RNF2: variants seen among roughly 807,000 people sequenced by gnomAD.
RNF2 encodes the protein ring finger protein 2.
Under a neutral mutation model 37.2 loss-of-function variants are expected in RNF2, and 6 were observed. That is an observed-to-expected ratio of 0.16 (90% CI 0.09 to 0.32). The LOEUF is 0.32. RNF2 is among the 10% of genes least tolerant of loss of function. The probability of loss-of-function intolerance (pLI) is 1.00; values close to 1 mark genes in which losing one functional copy is unlikely to be tolerated. For missense variants in RNF2, 251 were observed against 404.0 expected, an observed-to-expected ratio of 0.62 and a Z score of 3.25; for synonymous variants, 133 against 132.7, an observed-to-expected ratio of 1.00 and a Z score of -0.02.
chr1:185,091,752 G>A lies in RNF2; in HGVS notation c.248+13G>A. ...CCCTTAGAAGTGGGTATGTTGAAAA[G>A]AGTTGTTATACTAGGTACTTAATTG... On this transcript the variant is annotated intron_variant, in intron 3 of 6. Transcript: ENST00000367510. 6.2e-7 allele frequency: 1 copy of A among 1,611,848 alleles called. No individual in the cohort carries two copies. Among genetic ancestry groups the A allele is most frequent in the Non-Finnish European group, 8.5e-7 (1 of 1,178,506 alleles).
intron 1 of RNF2, among the ~76,000 whole-genome samples, chr1:185,069,721 T>C (rs1018317269): frequency 6.6e-6 from 1 of 152,126 alleles, no homozygotes; most frequent in Non-Finnish European, 1.5e-5. Flanking sequence ...GGGAGGAGGG[T>C]AATCCAAGAG....
At chr1:185,090,460 C>G (rs913940526) in intron 2 of RNF2, among the ~76,000 whole-genome samples, 22 of 152,082 alleles carry the variant, frequency 1.4e-4, no homozygotes, top group Admixed American at 5.9e-4. Context: ...AAGTGTTAAA[C>G]TAAGGGAAAA....
At chr1:185,060,194 T>A (rs1174523642) in intron 1 of RNF2, among the ~76,000 whole-genome samples, 1 of 152,378 alleles carries the variant, frequency 6.6e-6, no homozygotes, top group Non-Finnish European at 1.5e-5. Context: ...TTTTGGTTTG[T>A]CTTTAATTCA....
chr1:185,046,063 A>T (rs1446406530), intron 1 of RNF2: 1 of 148,828 alleles, frequency 6.7e-6, no homozygotes, highest in Non-Finnish European at 1.5e-5. Flanking sequence ...GTGGAATGCG[A>T]GTTTTTTCTC....
At chr1:185,093,991 CTCCAT>C (rs1651841988) in intron 4 of RNF2, among the ~76,000 whole-genome samples, 2 of 152,144 alleles carry the variant, frequency 1.3e-5, no homozygotes, top group South Asian at 4.1e-4. Flanking sequence ...TTAGACATTT[CTCCAT>C]ATGGGTATCT....
In RNF2 at chr1:185,100,459, A is replaced by G. The variant is rs1293896675; in HGVS notation, c.*158A>G. The G allele has an allele frequency of 4.7e-6, 2 of 422,990 alleles. No homozygotes were observed. The highest frequency in any genetic ancestry group is 8.5e-6 in the Non-Finnish European group (2 of 235,724). The allele number at this position is 422,990 out of a possible 1,614,324, so 26.2% of individuals were successfully genotyped here. ...ACGCTATTCAAATCTTTTCCCCTTT[A>G]TTTAAGATTTCCTTTTTGGAAGGGA... is the stretch of plus-strand genomic sequence containing the variant. On this transcript the variant is annotated 3_prime_UTR_variant, in exon 7 of 7. Transcript: ENST00000367510.
chr1:185,091,312 C>T (rs1557973542), intron 2 of RNF2, among the ~76,000 whole-genome samples: 1 of 152,144 alleles, frequency 6.6e-6, no homozygotes, highest in Non-Finnish European at 1.5e-5. Flanking sequence ...TTATACCAGA[C>T]TAATTTCCCA....
chr1:185,093,365 A>G, intron 4 of RNF2, 89 bp downstream of exon 4: 1 of 1,123,880 alleles, frequency 8.9e-7, no homozygotes, highest in Non-Finnish European at 1.3e-6. Flanking sequence ...GGTAAAATAC[A>G]GTAACAAATA....
intron 1 of RNF2, chr1:185,046,245 C>G (rs1424814274): frequency 6.6e-6 from 1 of 152,236 alleles, no homozygotes; most frequent in East Asian, 1.9e-4. Flanking sequence ...TTCACACATT[C>G]CTGGAGTGCC....
At chr1:185,061,277 G>A (rs563417567) in intron 1 of RNF2, among the ~76,000 whole-genome samples, 59 of 151,740 alleles carry the variant, frequency 3.9e-4, no homozygotes, top group African/African-American at 1.3e-3. Context: ...ACAGGCGCCC[G>A]CCACCATGCC....
chr1:185,065,582 T>A (rs1454728130), intron 1 of RNF2, among the ~76,000 whole-genome samples: 1 of 152,184 alleles, frequency 6.6e-6, no homozygotes, highest in Non-Finnish European at 1.5e-5. Context: ...ACGCGCCACC[T>A]TTAAGAGCTG....
intron 2 of RNF2, among the ~76,000 whole-genome samples, chr1:185,088,110 A>G (rs1406732156): frequency 1.3e-5 from 2 of 152,236 alleles, no homozygotes; most frequent in East Asian, 3.8e-4. Context: ...GATGCCAACT[A>G]TAGATGATTT....
intron 1 of RNF2, among the ~76,000 whole-genome samples, chr1:185,053,181 A>T (rs188662077): frequency 2.6e-5 from 4 of 152,264 alleles, no homozygotes; most frequent in African/African-American, 7.2e-5. Context: ...ATCCTTTATT[A>T]AGGAAGGTAT....
At chr1:185,088,150 T>G (rs567297901) in intron 2 of RNF2, among the ~76,000 whole-genome samples, 3 of 152,266 alleles carry the variant, frequency 2.0e-5, no homozygotes, top group Admixed American at 2.0e-4. Flanking sequence ...ATACAAAATT[T>G]TAGGGATTGA....
At chr1:185,078,122 C>T (rs1651231764) in intron 1 of RNF2, among the ~76,000 whole-genome samples, 2 of 152,120 alleles carry the variant, frequency 1.3e-5, no homozygotes, top group African/African-American at 4.8e-5. Context: ...TGGTGTGTGC[C>T]TGTAGTCCCA....
intron 1 of RNF2, among the ~76,000 whole-genome samples, chr1:185,061,308 T>C (rs984942482): frequency 2.6e-5 from 4 of 151,642 alleles, no homozygotes; most frequent in African/African-American, 9.7e-5. Context: ...TTTGTATTTT[T>C]AGTAGAGACG....
At chr1:185,064,130 C>CT (rs1650729422) in intron 1 of RNF2, among the ~76,000 whole-genome samples, 1 of 152,138 alleles carries the variant, frequency 6.6e-6, no homozygotes, top group Non-Finnish European at 1.5e-5. Flanking sequence ...TTAAAATTAA[C>CT]AAATGGAATA....
intron 1 of RNF2, among the ~76,000 whole-genome samples, chr1:185,085,676 C>CT (rs1181380129): frequency 1.3e-5 from 2 of 150,396 alleles, no homozygotes; most frequent in Non-Finnish European, 3.0e-5. Context: ...TTTTTTGAGA[C>CT]TAAGTGTCGC....
chr1:185,079,999 C>A (rs1323300959), intron 1 of RNF2, among the ~76,000 whole-genome samples: 1 of 151,910 alleles, frequency 6.6e-6, no homozygotes, highest in Admixed American at 6.6e-5. Context: ...CCCCAGTAGA[C>A]CTAGATCTTG....
Sources: allele counts gnomAD v4.1 joint callset (sites outside exome capture counted in the v4.1 genomes callset), GRCh38; gene constraint gnomAD v4.1.1; transcripts MANE v1.5; gene names NCBI Gene and HGNC (gene_info 2026-07-23, HGNC 2026-07-21).